DAB1: variants seen among roughly 807,000 people sequenced by gnomAD.
The protein encoded by DAB1 is disabled homolog 1.
Under a neutral mutation model 64.6 loss-of-function variants are expected in DAB1, and 15 were observed. The ratio of observed to expected loss-of-function variants is 0.23; its 90% confidence interval spans 0.16 to 0.36. The LOEUF is 0.36. Ranked by LOEUF, DAB1 falls within the 10% of genes least tolerant of loss-of-function variation. DAB1 has a pLI of 1.00. For missense variants in DAB1, 596 were observed against 706.7 expected (o/e 0.84, Z 1.78); for synonymous variants, 235 against 251.9 (o/e 0.93, Z 0.64).
intron 4 of DAB1, among the ~76,000 whole-genome samples, chr1:58,178,580 C>T (rs757865814): frequency 2.6e-5 from 4 of 152,196 alleles, no homozygotes; most frequent in East Asian, 3.9e-4. Flanking sequence ...ATAGTAAGCA[C>T]GGTAAATGGT....
At position 57,077,026 on chromosome 1, in the gene DAB1, A is replaced by G. The variant is rs573541205; in HGVS notation, c.307-4612T>C. Among the ~76,000 whole-genome samples the G allele has an allele frequency of 8.5e-5, 13 of 152,328 alleles. No individual in the cohort carries two copies. The East Asian group carries it at 2.1e-3, about 25-fold the overall frequency. Reference sequence around the variant, plus strand: ...GAAACTAGCAATCACAATATAATACAACAAGCTTTATATTAAAAGTGTGCC... The same window carrying G: ...GAAACTAGCAATCACAATATAATACGACAAGCTTTATATTAAAAGTGTGCC... On this transcript the variant is annotated intron_variant, in intron 4 of 14. Coordinates refer to ENST00000371236, the MANE Select transcript of DAB1 (RefSeq NM_001365792.1).
At chr1:58,330,605 G>C (rs976199891) in intron 4 of DAB1, among the ~76,000 whole-genome samples, 2 of 152,208 alleles carry the variant, frequency 1.3e-5, no homozygotes, top group Non-Finnish European at 2.9e-5. Flanking sequence ...TATCTTGTTA[G>C]GGGCTAATGC....
intron 4 of DAB1, among the ~76,000 whole-genome samples, chr1:58,205,306 T>C (rs1299059460): frequency 6.6e-6 from 1 of 152,226 alleles, no homozygotes; most frequent in African/African-American, 2.4e-5. Flanking sequence ...AAGATTGTGT[T>C]ATTTTAATTC....
At position 58,392,451 on chromosome 1, in the gene DAB1, T is replaced by C. The variant is rs550839408; in HGVS notation, n.258-49048A>G. ...CCTGCCCCAAGCTGATTCTACACTC[T>C]AGACACCATTCCTTCTTGCCACCTC... On this transcript the variant is annotated intron_variant and non_coding_transcript_variant, in intron 3 of 20. Coordinates refer to the DAB1 transcript ENST00000485760. Among the ~76,000 whole-genome samples the C allele has an allele frequency of 1.2e-4, 19 of 152,330 alleles. No homozygotes were observed. In the South Asian group the frequency reaches 3.9e-3, roughly 32 times the overall value.
intron 4 of DAB1, among the ~76,000 whole-genome samples, chr1:58,208,822 C>G (rs553778521): frequency 9.2e-5 from 14 of 151,900 alleles, no homozygotes; most frequent in South Asian, 6.4e-4. Flanking sequence ...ATTGCTGGAT[C>G]AAATGGTAGA....
In DAB1 at chr1:57,180,614, A is replaced by G. The variant is rs1450970910; in HGVS notation, c.68-35185T>C. On this transcript the variant is annotated intron_variant, in intron 2 of 14. Coordinates refer to ENST00000371236, the MANE Select transcript of DAB1 (RefSeq NM_001365792.1). ...AGCTTTGTTCCTAGATAACAATGAC[A>G]AAATATGTTACTTAGCTTCCTAGAT... 1.3e-5 allele frequency among the ~76,000 whole-genome samples: 2 copies of G among 152,126 alleles called. 1 individual carries two copies. Among genetic ancestry groups the G allele is most frequent in the South Asian group, 4.1e-4 (2 of 4,834 alleles).
intron 4 of DAB1, among the ~76,000 whole-genome samples, chr1:58,222,458 A>T (rs1225006944): frequency 6.6e-6 from 1 of 152,206 alleles, no homozygotes; most frequent in Admixed American, 6.5e-5. Flanking sequence ...TATAGAACTG[A>T]CTTTCTACAT....
At chr1:58,451,724 G>T (rs1645138671) in intron 3 of DAB1, among the ~76,000 whole-genome samples, 1 of 151,348 alleles carries the variant, frequency 6.6e-6, no homozygotes, top group South Asian at 2.1e-4. Flanking sequence ...TAAACATCAG[G>T]ATAGAAAAAA....
rs575993819 is a variant in DAB1, at chr1:58,057,527, T to C, written n.387+92984A>G. ...TAAGAAGAGAAAACCGAGACACACA[T>C]AAGTAGAACAGCCATGTAAAGACAG... On this transcript the variant is annotated intron_variant and non_coding_transcript_variant, in intron 5 of 20. Coordinates refer to the DAB1 transcript ENST00000485760. Among the ~76,000 whole-genome samples, 6 of 152,156 alleles carry C rather than the reference T, an allele frequency of 3.9e-5. No homozygotes were observed. The East Asian group carries it at 1.2e-3, about 29-fold the overall frequency.
Position 57,332,518 on chromosome 1 carries a change from T to A in DAB1, c.-136-41352A>T, listed in dbSNP as rs193004666. Among the ~76,000 whole-genome samples the A allele has an allele frequency of 6.2e-4, 94 of 152,338 alleles. 1 individual carries two copies. The highest frequency in any genetic ancestry group is 3.4e-3 in the Middle Eastern group (1 of 294). On this transcript the variant is annotated intron_variant, in intron 1 of 14. Coordinates refer to ENST00000371236, the MANE Select transcript of DAB1 (RefSeq NM_001365792.1). ...ATGGAATATTTACTCTTATTACTATTATTACTACCAATCAATGAGAGACTT... is the reference window on the plus strand; with the variant it reads ...ATGGAATATTTACTCTTATTACTATAATTACTACCAATCAATGAGAGACTT...
intron 5 of DAB1, among the ~76,000 whole-genome samples, chr1:58,075,859 G>A (rs1031953890): frequency 7.2e-5 from 11 of 151,994 alleles, no homozygotes; most frequent in Non-Finnish European, 1.5e-4. Context: ...TGCTCCTCCA[G>A]TCTACCCAGG....
At chr1:57,527,579 T>C (rs574466085) in intron 7 of DAB1, among the ~76,000 whole-genome samples, 2 of 152,194 alleles carry the variant, frequency 1.3e-5, no homozygotes, top group Non-Finnish European at 2.9e-5. Context: ...TCCTACTACA[T>C]GCATTGATAT....
At chr1:57,897,816 G>C (rs183387738) in intron 5 of DAB1, among the ~76,000 whole-genome samples, 334 of 152,286 alleles carry the variant, frequency 2.2e-3, no homozygotes, top group African/African-American at 7.7e-3. Flanking sequence ...GGAAAGCTTA[G>C]ACCCAGCTGG....
intron 4 of DAB1, among the ~76,000 whole-genome samples, chr1:58,158,386 T>TG (rs981241099): frequency 7.2e-5 from 11 of 152,136 alleles, no homozygotes; most frequent in African/African-American, 2.7e-4. Flanking sequence ...AGAGAAAAGT[T>TG]GGGGTGAGTT....
intron 3 of DAB1, among the ~76,000 whole-genome samples, chr1:58,345,180 A>G (rs890666246): frequency 6.6e-6 from 1 of 152,116 alleles, no homozygotes; most frequent in Non-Finnish European, 1.5e-5. Context: ...TTAGCCCACA[A>G]TTTAAGGCCC....
intron 7 of DAB1, among the ~76,000 whole-genome samples, chr1:57,647,499 T>G (rs947474172): frequency 2.6e-5 from 4 of 152,092 alleles, no homozygotes; most frequent in Non-Finnish European, 5.9e-5. Flanking sequence ...CCTAGAGAAG[T>G]CTTCAGGTCA....
chr1:58,335,276 TG>T (rs1408228406), intron 4 of DAB1, among the ~76,000 whole-genome samples: 1 of 152,162 alleles, frequency 6.6e-6, no homozygotes, highest in African/African-American at 2.4e-5. Context: ...AAGATTTGTG[TG>T]GCAAGAGAAC....
intron 7 of DAB1, among the ~76,000 whole-genome samples, chr1:57,575,458 T>C (rs1482800590): frequency 6.6e-6 from 1 of 152,186 alleles, no homozygotes; most frequent in Non-Finnish European, 1.5e-5. Context: ...AGAATACACT[T>C]GGTCCCACAT....
At chr1:57,859,557 T>C (rs899955748) in intron 1 of DAB1, among the ~76,000 whole-genome samples, 1 of 152,154 alleles carries the variant, frequency 6.6e-6, no homozygotes, top group Non-Finnish European at 1.5e-5. Flanking sequence ...CCAGGAGGAC[T>C]TGAACCTATC....
Sources: allele counts gnomAD v4.1 joint callset (sites outside exome capture counted in the v4.1 genomes callset), GRCh38; gene constraint gnomAD v4.1.1; transcripts MANE v1.5; gene names NCBI Gene and HGNC (gene_info 2026-07-23, HGNC 2026-07-21).